The following MTUS2 variants were observed in gnomAD, a reference collection of about 807,000 sequenced individuals.
MTUS2 encodes microtubule-associated tumor suppressor candidate 2.
In MTUS2, 40 loss-of-function variants were observed where a neutral mutation model predicts 114.1. The ratio of observed to expected loss-of-function variants is 0.35; its 90% CI spans 0.27 to 0.46. The LOEUF is 0.46. Among genes scored for constraint, MTUS2 ranks in the 20% least tolerant of loss-of-function variants. The probability of loss-of-function intolerance (pLI) is 1.00; values close to 1 mark genes in which losing one functional copy is unlikely to be tolerated. For missense variants in MTUS2, 1,679 were observed against 1,705.4 expected (o/e 0.98, Z 0.27); for synonymous variants, 688 against 672.0 (o/e 1.02, Z -0.37).
At chr13:29,033,546 G>A (rs979031672) in intron 3 of MTUS2, among the ~76,000 whole-genome samples, 1 of 151,980 alleles carries the variant, frequency 6.6e-6, no homozygotes, top group African/African-American at 2.4e-5. Context: ...TTTGCTAAAT[G>A]CTTTCTTTGC....
At chr13:29,264,206 A>C (rs1426595735) in intron 5 of MTUS2, among the ~76,000 whole-genome samples, 1 of 152,248 alleles carries the variant, frequency 6.6e-6, no homozygotes, top group African/African-American at 2.4e-5. Context: ...TTAAAGCTCC[A>C]AAATAATCTC....
intron 4 of MTUS2, among the ~76,000 whole-genome samples, chr13:29,053,053 A>G (rs546278254): frequency 2.6e-5 from 4 of 152,298 alleles, no homozygotes; most frequent in South Asian, 2.1e-4. Context: ...CTGTGAGTCA[A>G]TTAAACATTT....
At chr13:29,457,190 T>C (rs377382018) in intron 9 of MTUS2, among the ~76,000 whole-genome samples, 17 of 152,038 alleles carry the variant, frequency 1.1e-4, no homozygotes, top group African/African-American at 1.4e-4. Context: ...AATTTGTTTA[T>C]TTTTAAATGT....
At chr13:29,256,601 A>G (rs1386783212) in intron 5 of MTUS2, among the ~76,000 whole-genome samples, 1 of 152,266 alleles carries the variant, frequency 6.6e-6, no homozygotes, top group Non-Finnish European at 1.5e-5. Context: ...TGAACAAGAT[A>G]GACTCATATT....
chr13:29,494,350 G>A (rs1038817844), intron 12 of MTUS2, among the ~76,000 whole-genome samples: 1 of 152,208 alleles, frequency 6.6e-6, no homozygotes. Flanking sequence ...AAAGAAGCCA[G>A]CCCAAGTTAG....
intron 8 of MTUS2, among the ~76,000 whole-genome samples, chr13:29,400,034 G>C (rs1484516904): frequency 1.3e-5 from 2 of 152,202 alleles, no homozygotes; most frequent in African/African-American, 4.8e-5. Context: ...GAGAATGAAT[G>C]CTGTGAATGA....
chr13:28,985,445 A>C (rs2138311757), intron 2 of MTUS2, among the ~76,000 whole-genome samples: 1 of 152,334 alleles, frequency 6.6e-6, no homozygotes, highest in Non-Finnish European at 1.5e-5. Flanking sequence ...TATTGTTATA[A>C]TAACTGGGGA....
intron 2 of MTUS2, among the ~76,000 whole-genome samples, chr13:28,975,957 AC>A (rs1222042561): frequency 6.6e-6 from 1 of 152,202 alleles, no homozygotes; most frequent in African/African-American, 2.4e-5. Context: ...TGAGGTGGGC[AC>A]AGGCAGCAAT....
chr13:28,825,674 T>G (rs1874221981), intron 1 of MTUS2, among the ~76,000 whole-genome samples: 1 of 152,082 alleles, frequency 6.6e-6, no homozygotes, highest in African/African-American at 2.4e-5. Flanking sequence ...TGTCTGCTGG[T>G]TTTTAGTTAC....
At chr13:29,491,781 GTGC>G (rs1287726779) in intron 11 of MTUS2, among the ~76,000 whole-genome samples, 3 of 148,070 alleles carry the variant, frequency 2.0e-5, no homozygotes, top group East Asian at 2.1e-4. Flanking sequence ...ATGTATGTAT[GTGC>G]TGTTGTATGT....
chr13:28,823,409 T>C (rs938280974), intron 1 of MTUS2, among the ~76,000 whole-genome samples: 2 of 152,218 alleles, frequency 1.3e-5, no homozygotes, highest in Non-Finnish European at 2.9e-5. Context: ...AGTTTCCCCT[T>C]TTCTCTGAAA....
chr13:28,833,185 G>A (rs181733938), intron 1 of MTUS2, among the ~76,000 whole-genome samples: 15 of 152,196 alleles, frequency 9.9e-5, no homozygotes, highest in Admixed American at 7.2e-4. Context: ...TTTTCAAGAA[G>A]GTAGACAAGG....
chr13:29,250,504 C>G (rs963892808), intron 5 of MTUS2: 1 of 150,834 alleles, frequency 6.6e-6, no homozygotes, highest in Non-Finnish European at 1.5e-5. Context: ...AATTTGCATC[C>G]GAGATCATCT....
At chr13:29,044,557 C>T (rs935350344) in intron 4 of MTUS2, among the ~76,000 whole-genome samples, 6 of 152,126 alleles carry the variant, frequency 3.9e-5, no homozygotes, top group Non-Finnish European at 5.9e-5. Context: ...ACTCCAATTA[C>T]ACATATATTA....
At chr13:29,040,223 C>G (rs1435494835) in intron 4 of MTUS2, among the ~76,000 whole-genome samples, 1 of 152,164 alleles carries the variant, frequency 6.6e-6, no homozygotes, top group Non-Finnish European at 1.5e-5. Context: ...ATGATGTTTA[C>G]TTTTCCATTC....
chr13:29,359,892 T>C (rs1443578203), intron 8 of MTUS2, among the ~76,000 whole-genome samples: 1 of 152,166 alleles, frequency 6.6e-6, no homozygotes, highest in Admixed American at 6.5e-5. Context: ...TCACGTCGGC[T>C]GTTGATGGGC....
chr13:29,122,712 C>CT (rs770013454), intron 5 of MTUS2, among the ~76,000 whole-genome samples: 1 of 152,168 alleles, frequency 6.6e-6, no homozygotes, highest in Non-Finnish European at 1.5e-5. Flanking sequence ...CCACCTATGA[C>CT]TGTTTGATTA....
chr13:28,966,203 A>T (rs1436221757), intron 2 of MTUS2, among the ~76,000 whole-genome samples: 5 of 152,068 alleles, frequency 3.3e-5, no homozygotes, highest in Non-Finnish European at 4.4e-5. Context: ...TAAAGATATG[A>T]CCTCCCCCTC....
intron 6 of MTUS2, among the ~76,000 whole-genome samples, chr13:29,322,254 C>T (rs11838609): frequency 0.033 from 5,047 of 152,242 alleles, 273 homozygotes; most frequent in African/African-American, 0.12. Flanking sequence ...TTAACATTTC[C>T]CTTCTCAGCT....
Sources: allele counts gnomAD v4.1 joint callset (sites outside exome capture counted in the v4.1 genomes callset), GRCh38; gene constraint gnomAD v4.1.1; transcripts MANE v1.5; gene names NCBI Gene and HGNC (gene_info 2026-07-23, HGNC 2026-07-21).